TMTC4: variants seen among roughly 807,000 people sequenced by gnomAD.
The protein encoded by TMTC4 is protein O-mannosyl-transferase TMTC4.
TMTC4 carries 65 observed loss-of-function variants against 86.0 expected under a neutral mutation model. The ratio of observed to expected loss-of-function variants is 0.76; its 90% CI spans 0.62 to 0.93. TMTC4 has a LOEUF of 0.93. TMTC4 is among the 40% of genes least tolerant of loss of function. TMTC4 has a pLI of 0.00. For synonymous variants in TMTC4, 379 were observed against 382.5 expected, an observed-to-expected ratio of 0.99 and a Z score of 0.11; for missense variants, 866 against 948.1, an observed-to-expected ratio of 0.91 and a Z score of 1.14.
intron 9 of TMTC4, 150 bp downstream of exon 9, chr13:100,637,388 T>C: frequency 9.4e-7 from 1 of 1,060,508 alleles, no homozygotes; most frequent in Non-Finnish European, 1.3e-6. Context: ...TCCCAGAACA[T>C]CTTTAGTGAT....
chr13:100,666,643 G>A (rs1886429214), intron 3 of TMTC4, among the ~76,000 whole-genome samples: 1 of 152,186 alleles, frequency 6.6e-6, no homozygotes, highest in African/African-American at 2.4e-5. Context: ...AATGAATAAT[G>A]GAATTTAAAT....
At chr13:100,653,352 G>T (rs1214155664) in intron 6 of TMTC4, among the ~76,000 whole-genome samples, 7 of 152,166 alleles carry the variant, frequency 4.6e-5, no homozygotes, top group Non-Finnish European at 1.0e-4. Flanking sequence ...TCAGACAAAG[G>T]GAATTTTGGG....
In TMTC4 at chr13:100,635,051, T is replaced by C. The variant is rs1882020682; in HGVS notation, c.1347A>G (p.Gly449=). ...TTTTCTTGGTATGTTTGCTCAGGGC[T>C]CCGAATCCAAAAGTCAGCAGCACAC... ...GYCVLLTFGF[G]ALSKHTKKKK... is the part of the protein sequence containing the mutation. The change falls in exon 11 of 19, where the codon GGA becomes GGG. Residue 449 remains glycine (G), a synonymous_variant. Coordinates refer to ENST00000342624, the MANE Select transcript of TMTC4 (RefSeq NM_032813.5). The C allele has an allele frequency of 6.2e-7, 1 of 1,612,902 alleles. No homozygotes were observed. The highest frequency in any genetic ancestry group is 1.7e-5 in the Admixed American group (1 of 59,814).
chr13:100,622,174 A>G (rs777548769), intron 15 of TMTC4, among the ~76,000 whole-genome samples: 2 of 152,222 alleles, frequency 1.3e-5, no homozygotes, highest in Non-Finnish European at 2.9e-5. Flanking sequence ...AGTTAATGTG[A>G]GACAAAGGAA....
chr13:100,648,407 T>C (rs1383330811), intron 6 of TMTC4, among the ~76,000 whole-genome samples: 1 of 152,184 alleles, frequency 6.6e-6, no homozygotes, highest in African/African-American at 2.4e-5. Context: ...TCAAGGCAAA[T>C]AAAATATATT....
intron 12 of TMTC4, among the ~76,000 whole-genome samples, chr13:100,629,674 TC>T (rs1212960538): frequency 1.3e-5 from 2 of 152,224 alleles, no homozygotes; most frequent in Middle Eastern, 3.4e-3. Flanking sequence ...TATGTTATTG[TC>T]CCCCAAAGTT....
chr13:100,651,491 T>C (rs923059615), intron 6 of TMTC4, among the ~76,000 whole-genome samples: 54 of 102,814 alleles, frequency 5.3e-4, no homozygotes, highest in African/African-American at 1.9e-3. Context: ...GTTCTATTTA[T>C]GCACCAAAAA....
intron 7 of TMTC4, among the ~76,000 whole-genome samples, chr13:100,641,287 T>G (rs1268027498): frequency 1.3e-5 from 2 of 152,232 alleles, no homozygotes; most frequent in Non-Finnish European, 2.9e-5. Flanking sequence ...TTATTAATCT[T>G]GTAATTTCAG....
intron 15 of TMTC4, among the ~76,000 whole-genome samples, chr13:100,624,619 A>C (rs1281535398): frequency 6.6e-6 from 1 of 152,210 alleles, no homozygotes; most frequent in East Asian, 1.9e-4. Context: ...AAGAAGCTTC[A>C]GGCCTTTAAA....
At chr13:100,614,032 T>G (rs993913934) in intron 16 of TMTC4, among the ~76,000 whole-genome samples, 21 of 151,274 alleles carry the variant, frequency 1.4e-4, no homozygotes, top group African/African-American at 5.1e-4. Flanking sequence ...ACGGACAGGG[T>G]TTCTCCATGT....
chr13:100,632,047 ACACACACTCT>A (rs1190750477), intron 12 of TMTC4, among the ~76,000 whole-genome samples: 5 of 63,408 alleles, frequency 7.9e-5, no homozygotes, highest in East Asian at 3.3e-4. Flanking sequence ...ACACACACAC[ACACACACTCT>A]CTCTCTCTCT....
At chr13:100,610,163 A>G (rs1877334210) in intron 17 of TMTC4, among the ~76,000 whole-genome samples, 1 of 152,216 alleles carries the variant, frequency 6.6e-6, no homozygotes, top group Non-Finnish European at 1.5e-5. Flanking sequence ...GCTTGGGTAA[A>G]AAGTGAGTTG....
At chr13:100,665,990 A>T in intron 3 of TMTC4, 1 of 456,582 alleles carries the variant, frequency 2.2e-6, no homozygotes, top group Non-Finnish European at 4.4e-6. Context: ...CTCTTACAGA[A>T]GTACCCGGTC....
rs1882029646 is a variant in TMTC4, at chr13:100,635,095, G to C, written c.1303C>G (p.Leu435Val). Residue 435 changes from leucine (L) to valine (V), a missense_variant, in exon 11 of 19, where the codon CTC becomes GTC. Physicochemically the swap from Leu to Val is conservative, Grantham distance 32. Transcript: ENST00000342624. ...GFVVAERVLY[L>V]PSVGYCVLLT... ...AGCACACAGTACCCAACGCTGGGGA[G>C]GTAGAGGACACGCTCTGCGACCACG... 2.5e-6 allele frequency: 4 copies of C among 1,614,132 alleles called. No individual in the cohort carries two copies. Among genetic ancestry groups the C allele is most frequent in the Non-Finnish European group, 3.4e-6 (4 of 1,180,028 alleles).
intron 2 of TMTC4, 77 bp downstream of exon 2, chr13:100,670,283 C>G: frequency 6.5e-7 from 1 of 1,546,478 alleles, no homozygotes; most frequent in Non-Finnish European, 8.7e-7. Context: ...AATAGGCCAC[C>G]TGAAGTCACA....
intron 7 of TMTC4, among the ~76,000 whole-genome samples, chr13:100,641,053 C>G (rs751831044): frequency 2.6e-5 from 4 of 152,070 alleles, no homozygotes; most frequent in African/African-American, 4.8e-5. Flanking sequence ...CTCCCCCACC[C>G]CCCTGACACT....
At chr13:100,613,824 C>T (rs1261252739) in intron 16 of TMTC4, among the ~76,000 whole-genome samples, 1 of 129,824 alleles carries the variant, frequency 7.7e-6, no homozygotes, top group Non-Finnish European at 1.7e-5. Context: ...CTCCCTCCCC[C>T]TCTCCCCCCT....
chr13:100,659,553 T>G (rs1885514913), intron 5 of TMTC4, among the ~76,000 whole-genome samples: 1 of 151,986 alleles, frequency 6.6e-6, no homozygotes, highest in Non-Finnish European at 1.5e-5. Flanking sequence ...GCCACTTCTG[T>G]CCTCAGGGAA....
intron 5 of TMTC4, among the ~76,000 whole-genome samples, chr13:100,661,602 G>A (rs780496864): frequency 6.6e-6 from 1 of 152,130 alleles, no homozygotes; most frequent in East Asian, 1.9e-4. Context: ...TATATATAAA[G>A]AGCTTATAAC....
Sources: allele counts gnomAD v4.1 joint callset (sites outside exome capture counted in the v4.1 genomes callset), GRCh38; gene constraint gnomAD v4.1.1; transcripts MANE v1.5; gene names NCBI Gene and HGNC (gene_info 2026-07-23, HGNC 2026-07-21).